STAM: variants seen among roughly 807,000 people sequenced by gnomAD.
STAM encodes the protein signal transducing adaptor molecule, also known as signal transducing adapter molecule 1.
In STAM, 16 loss-of-function variants were observed where a neutral mutation model predicts 63.4. That is an observed-to-expected ratio of 0.25 (90% CI 0.17 to 0.38). The LOEUF (loss-of-function observed/expected upper bound fraction) is 0.38, where lower values mean the gene tolerates loss of function less well. Ranked by LOEUF, STAM falls within the 10% of genes least tolerant of loss-of-function variation. The pLI is 1.00. For synonymous variants in STAM, 238 were observed against 223.9 expected, an observed-to-expected ratio of 1.06 and a Z score of -0.56; for missense variants, 636 against 657.1, an observed-to-expected ratio of 0.97 and a Z score of 0.35.
In STAM at chr10:17,676,334, T is replaced by C. The variant is rs143788069; in HGVS notation, c.126-8341T>C. Among the ~76,000 whole-genome samples the C allele has an allele frequency of 5.0e-3, 754 of 152,284 alleles. 3 individuals carry two copies. Among genetic ancestry groups the C allele is most frequent in the African/African-American group, 0.017 (726 of 41,554 alleles). On this transcript the variant is annotated intron_variant, in intron 2 of 13. Coordinates refer to ENST00000377524, the MANE Select transcript of STAM (RefSeq NM_003473.4). ...GATGTGATAGAGAGGAGCTCCATCT[T>C]AAATCTCCTTTCTTTGAATCTGACA... is the stretch of plus-strand genomic sequence containing the variant.
chr10:17,705,608 A>T lies in STAM; in HGVS notation c.1076A>T (p.Glu359Val). The change falls in exon 12 of 14, where the codon GAA becomes GTA. Residue 359 changes from glutamate to valine, a missense_variant. This residue lies in a region of STAM where 532 missense variants were observed against 536.9 expected (regional missense o/e 0.99). Coordinates refer to ENST00000377524, the MANE Select transcript of STAM (RefSeq NM_003473.4). ...DIDRKHSELS[E>V]LNVKVMEALS... is the part of the protein sequence containing the mutation. ...TTCAGAAAACATTCAGAACTCTCAG[A>T]ACTTAATGTGAAAGTGATGGAGGCC... The T allele has an allele frequency of 6.2e-7, 1 of 1,613,032 alleles. No homozygotes were observed. The highest frequency in any genetic ancestry group is 8.5e-7 in the Non-Finnish European group (1 of 1,179,734).
chr10:17,652,978 C>G (rs541274172), intron 1 of STAM, among the ~76,000 whole-genome samples: 1 of 152,214 alleles, frequency 6.6e-6, no homozygotes, highest in East Asian at 1.9e-4. Context: ...CCTCTAAATC[C>G]TTGGAATTTT....
intron 1 of STAM, among the ~76,000 whole-genome samples, chr10:17,658,748 A>T (rs1834044403): frequency 6.6e-6 from 1 of 152,092 alleles, no homozygotes; most frequent in Non-Finnish European, 1.5e-5. Context: ...CGGCCTCCCA[A>T]AGTGTTGGGA....
chr10:17,696,600 T>G, intron 7 of STAM, 175 bp from the exon 8 acceptor site: 9 of 554,540 alleles, frequency 1.6e-5, no homozygotes, highest in Non-Finnish European at 2.9e-5. Flanking sequence ...AATAGCTTCT[T>G]ACCTTTTCTG....
chr10:17,669,884 C>CTTTTTTTTTTT (rs76381388), intron 2 of STAM, among the ~76,000 whole-genome samples: 406 of 120,708 alleles, frequency 3.4e-3, no homozygotes, highest in East Asian at 4.8e-3. Flanking sequence ...CTTTTCTTTT[C>CTTTTTTTTTTT]TTTTTTTTTT....
chr10:17,662,118 C>G (rs1446209032), intron 2 of STAM, among the ~76,000 whole-genome samples: 31 of 152,060 alleles, frequency 2.0e-4, no homozygotes, highest in Admixed American at 2.0e-3. Flanking sequence ...ATTCTTATAT[C>G]CAGTTGCCGT....
At chr10:17,653,603 G>C (rs11599751) in intron 1 of STAM, among the ~76,000 whole-genome samples, 8 of 152,150 alleles carry the variant, frequency 5.3e-5, no homozygotes, top group Non-Finnish European at 1.2e-4. Context: ...ATCAAAACTT[G>C]TAGAGGAAAA....
intron 1 of STAM, among the ~76,000 whole-genome samples, chr10:17,646,711 A>G (rs1330741232): frequency 6.6e-6 from 1 of 152,216 alleles, no homozygotes; most frequent in Non-Finnish European, 1.5e-5. Flanking sequence ...AGGTTTATCT[A>G]AGAAGACCCC....
chr10:17,699,412 G>A (rs12411333), intron 8 of STAM, among the ~76,000 whole-genome samples: 18,356 of 152,124 alleles, frequency 0.12, 1,232 homozygotes, highest in East Asian at 0.26. Flanking sequence ...ATATAGAAAG[G>A]AAGTTTGTTT....
chr10:17,710,678 A>C (rs201980854), intron 13 of STAM, among the ~76,000 whole-genome samples: 2 of 152,110 alleles, frequency 1.3e-5, no homozygotes, highest in African/African-American at 4.8e-5. Context: ...ATCCCCACTG[A>C]AGACAGTATC....
At chr10:17,712,612 G>C (rs1836606856) in intron 13 of STAM, among the ~76,000 whole-genome samples, 1 of 152,120 alleles carries the variant, frequency 6.6e-6, no homozygotes, top group Non-Finnish European at 1.5e-5. Flanking sequence ...TTGAAAATTT[G>C]GCAGTTGCTT....
At chr10:17,711,075 C>T (rs1375917995) in intron 13 of STAM, among the ~76,000 whole-genome samples, 1 of 152,122 alleles carries the variant, frequency 6.6e-6, no homozygotes, top group Non-Finnish European at 1.5e-5. Flanking sequence ...TTGACTCGAG[C>T]TTTCTAGCGG....
chr10:17,678,147 G>C (rs782727769), intron 2 of STAM, among the ~76,000 whole-genome samples: 28 of 152,030 alleles, frequency 1.8e-4, no homozygotes, highest in Non-Finnish European at 3.5e-4. Context: ...CCTCATTCCT[G>C]GAAACCACTA....
chr10:17,675,944 C>CT (rs1364797120), intron 2 of STAM, among the ~76,000 whole-genome samples: 1 of 152,006 alleles, frequency 6.6e-6, no homozygotes, highest in Non-Finnish European at 1.5e-5. Context: ...ATCAGATTAT[C>CT]TGAGTACTTC....
At chr10:17,699,488 T>C (rs11593510) in intron 8 of STAM, among the ~76,000 whole-genome samples, 14,355 of 152,288 alleles carry the variant, frequency 0.094, 739 homozygotes, top group Middle Eastern at 0.16. Flanking sequence ...TATGTTAAAT[T>C]GTTTTTAAAG....
At chr10:17,645,566 A>G (rs1833487254) in intron 1 of STAM, among the ~76,000 whole-genome samples, 1 of 152,146 alleles carries the variant, frequency 6.6e-6, no homozygotes, top group African/African-American at 2.4e-5. Context: ...CAGTTAAATA[A>G]TATGTCTAGA....
intron 9 of STAM, among the ~76,000 whole-genome samples, chr10:17,701,269 GAAAAAAT>G (rs1447335291): frequency 1.6e-4 from 21 of 127,638 alleles, no homozygotes; most frequent in Non-Finnish European, 3.5e-4. Flanking sequence ...GCGTGTTTAT[GAAAAAAT>G]AAAAAGTATG....
At chr10:17,678,380 G>T (rs1834941773) in intron 2 of STAM, among the ~76,000 whole-genome samples, 1 of 151,986 alleles carries the variant, frequency 6.6e-6, no homozygotes. Context: ...TCAGCCTCCT[G>T]GGTAGCTTGG....
chr10:17,659,604 G>A (rs1191309646), intron 1 of STAM, among the ~76,000 whole-genome samples: 1 of 151,380 alleles, frequency 6.6e-6, no homozygotes, highest in Non-Finnish European at 1.5e-5. Context: ...CGGTAGCTGG[G>A]AATACAGGTG....
Sources: gnomAD v4.1 joint callset for allele counts (sites outside exome capture counted in the v4.1 genomes callset) on GRCh38, gnomAD v4.1.1 for gene constraint, gnomAD v4.1.1 regional missense constraint, MANE v1.5 for transcripts, NCBI Gene and HGNC (gene_info 2026-07-23, HGNC 2026-07-21) for gene names.